The following STRN3 variants were observed in gnomAD, a reference collection of about 807,000 sequenced individuals.
STRN3 encodes the protein striatin-3.
Under a neutral mutation model 95.6 loss-of-function variants are expected in STRN3, and 29 were observed. The observed-to-expected ratio is 0.30, with a 90% confidence interval of 0.23 to 0.41. STRN3 has a LOEUF of 0.41. Among genes scored for constraint, STRN3 ranks in the 10% least tolerant of loss-of-function variants. The pLI is 1.00. For missense variants in STRN3, 890 were observed against 972.1 expected (o/e 0.92, Z 1.12); for synonymous variants, 331 against 357.6 (o/e 0.93, Z 0.84).
chr14:30,958,333 CAAAT>C (rs766413123), intron 1 of STRN3, among the ~76,000 whole-genome samples: 9 of 148,860 alleles, frequency 6.0e-5, no homozygotes, highest in Non-Finnish European at 7.6e-5. Context: ...TAAAAATAAA[CAAAT>C]AAGCAGCTAC....
At chr14:31,015,246 C>T (rs963080535) in intron 1 of STRN3, among the ~76,000 whole-genome samples, 1 of 152,224 alleles carries the variant, frequency 6.6e-6, no homozygotes, top group Non-Finnish European at 1.5e-5. Flanking sequence ...CCACTGGTTT[C>T]CACAGGTATG....
rs551524306 is a variant in STRN3 at position 31,025,830 on chromosome 14, T to G, written c.282+74A>C. 90 of 1,537,238 alleles carry G rather than the reference T, an allele frequency of 5.9e-5. 1 individual carries two copies. The South Asian group carries it at 6.6e-4, about 11-fold the overall frequency. On this transcript the variant is annotated intron_variant, in intron 1 of 17. Transcript: ENST00000357479. ...TCCCAAGGCGCCGGCTCCGGCTGAG[T>G]GGAGTCCCCAGCCCCACCCCCCGGC...
At chr14:30,907,734 A>G (rs905300835) in intron 13 of STRN3, among the ~76,000 whole-genome samples, 2 of 152,192 alleles carry the variant, frequency 1.3e-5, no homozygotes, top group East Asian at 1.9e-4. Context: ...AGCATGTATC[A>G]GTACTCCATT....
intron 16 of STRN3, 55 bp downstream of exon 16, chr14:30,902,481 T>C (rs1896349799): frequency 1.9e-5 from 23 of 1,232,018 alleles, no homozygotes; most frequent in Non-Finnish European, 2.4e-5. Flanking sequence ...AACAGCATTT[T>C]TGATCATCTC....
chr14:30,895,216 C>T lies in STRN3; in HGVS notation c.*195G>A. The T allele has an allele frequency of 1.7e-6, 1 of 600,058 alleles. No individual in the cohort carries two copies. The highest frequency in any genetic ancestry group is 2.8e-6 in the Non-Finnish European group (1 of 363,214). The allele number at this position is 600,058 out of a possible 1,614,324, so 37.2% of individuals were successfully genotyped here. Reference sequence around the variant, plus strand: ...ATACTGGAGTCCTTTTTTCTTTGTCCCACAAAATACAGTAATTACAGTTAA... The same window carrying T: ...ATACTGGAGTCCTTTTTTCTTTGTCTCACAAAATACAGTAATTACAGTTAA... On this transcript the variant is annotated 3_prime_UTR_variant, in exon 18 of 18. Transcript: ENST00000357479.
chr14:30,930,310 T>C (rs1878467556), intron 7 of STRN3, among the ~76,000 whole-genome samples: 1 of 152,170 alleles, frequency 6.6e-6, no homozygotes, highest in South Asian at 2.1e-4. Flanking sequence ...GTTAAGTTTT[T>C]GATAACTCAG....
At chr14:30,977,794 G>GAAAAAAA (rs869303485) in intron 1 of STRN3, among the ~76,000 whole-genome samples, 1 of 109,918 alleles carries the variant, frequency 9.1e-6, no homozygotes, top group Non-Finnish European at 1.7e-5. Flanking sequence ...ACTCTATCTC[G>GAAAAAAA]AAAAAAAAAA....
intron 1 of STRN3, among the ~76,000 whole-genome samples, chr14:31,012,040 C>T (rs529501456): frequency 5.8e-4 from 88 of 152,320 alleles, no homozygotes; most frequent in African/African-American, 1.9e-3. Context: ...CGAGATCGCG[C>T]AACTGCGCTC....
At chr14:30,985,472 C>T (rs534143455) in intron 1 of STRN3, among the ~76,000 whole-genome samples, 6 of 152,068 alleles carry the variant, frequency 3.9e-5, no homozygotes, top group African/African-American at 9.6e-5. Flanking sequence ...GGCATGGTGG[C>T]GCATGCCTGT....
intron 1 of STRN3, among the ~76,000 whole-genome samples, chr14:30,982,098 C>CAA (rs11451891): frequency 0.018 from 1,360 of 75,514 alleles, 162 homozygotes; most frequent in African/African-American, 0.04. Flanking sequence ...CTCTGTCTCA[C>CAA]AAAAAAAAAA....
chr14:30,995,931 G>T (rs531779062), intron 1 of STRN3, among the ~76,000 whole-genome samples: 15 of 152,240 alleles, frequency 9.9e-5, no homozygotes, highest in African/African-American at 3.1e-4. Context: ...ACTAAATTCA[G>T]TTGTCCTCCA....
intron 13 of STRN3, among the ~76,000 whole-genome samples, chr14:30,909,143 T>A (rs575124451): frequency 4.7e-4 from 71 of 152,344 alleles, no homozygotes; most frequent in South Asian, 1.7e-3. Flanking sequence ...AAATTAGTGA[T>A]GATGGCTGTA....
intron 1 of STRN3, among the ~76,000 whole-genome samples, chr14:30,987,068 T>C (rs1254061373): frequency 6.6e-6 from 1 of 152,166 alleles, no homozygotes; most frequent in African/African-American, 2.4e-5. Context: ...CTCTTTATGG[T>C]ACAAGAAGGC....
chr14:31,026,022 G>C lies in STRN3; in HGVS notation c.164C>G (p.Pro55Arg), dbSNP rs1159726816. Residue 55 changes from proline (P) to arginine (R), a missense_variant, in exon 1 of 18, where the codon CCC (proline) becomes CGC (arginine). Transcript: ENST00000357479. ...GTACTGCTGCGGCCGGGACAGCTCG[G>C]GGCCTGCCGCGGGACCCGCTCCCTC... The part of the protein sequence containing the change: ...ASEGAGPAAG[P>R]ELSRPQQYTI... The C allele has an allele frequency of 6.5e-7, 1 of 1,541,552 alleles. No individual in the cohort carries two copies. Among genetic ancestry groups the C allele is most frequent in the East Asian group, 2.5e-5 (1 of 39,456 alleles).
intron 15 of STRN3, among the ~76,000 whole-genome samples, chr14:30,904,295 G>GCCC (rs1896403078): frequency 6.6e-6 from 1 of 152,104 alleles, no homozygotes; most frequent in Non-Finnish European, 1.5e-5. Context: ...GCCAACATGA[G>GCCC]CCCCACTGAG....
chr14:30,955,738 T>C (rs1194378346), intron 2 of STRN3, 45 bp from the exon 3 acceptor site: 8 of 1,465,844 alleles, frequency 5.5e-6, no homozygotes, highest in Non-Finnish European at 7.4e-6. Flanking sequence ...CTTCTTCTTT[T>C]TGTCACTCTT....
chr14:31,009,702 C>A (rs1882881398), intron 1 of STRN3, among the ~76,000 whole-genome samples: 1 of 150,628 alleles, frequency 6.6e-6, no homozygotes, highest in Non-Finnish European at 1.5e-5. Flanking sequence ...TAAAAACTCT[C>A]AAAATAAATA....
chr14:30,936,509 T>G lies in STRN3; in HGVS notation c.832A>C (p.Met278Leu), dbSNP rs1252145473. ...GTAATTCCTACTTTATGTTTATTCATCCGATGTTTGTCTTTTCCTTCTGGG... is the reference window on the plus strand; with the variant it reads ...GTAATTCCTACTTTATGTTTATTCAGCCGATGTTTGTCTTTTCCTTCTGGG... ...GIPEGKDKHR[M>L]NKHKIGNEGL... The change falls in exon 6 of 18, where the codon ATG (methionine) becomes CTG (leucine). Residue 278 changes from methionine (M) to leucine (L), a missense_variant. Met to Leu is a conservative substitution (Grantham distance 15). This residue lies in a region of STRN3 where 526 missense variants were observed against 526.3 expected (regional missense o/e 1.00). Coordinates refer to ENST00000357479, the MANE Select transcript of STRN3 (RefSeq NM_001083893.2). 9.9e-6 allele frequency: 16 copies of G among 1,613,136 alleles called. No homozygotes were observed. The East Asian group carries it at 3.3e-4, about 34-fold the overall frequency.
At chr14:31,015,292 T>C (rs1285745650) in intron 1 of STRN3, among the ~76,000 whole-genome samples, 1 of 152,192 alleles carries the variant, frequency 6.6e-6, no homozygotes, top group East Asian at 1.9e-4. Flanking sequence ...TTTTGTTCCG[T>C]TTGCCTATGT....
Sources: allele counts gnomAD v4.1 joint callset (sites outside exome capture counted in the v4.1 genomes callset), GRCh38; gene constraint gnomAD v4.1.1; regional missense constraint gnomAD v4.1.1; transcripts MANE v1.5; gene names NCBI Gene and HGNC (gene_info 2026-07-23, HGNC 2026-07-21).